The following TFDP2 variants were observed in gnomAD, a reference collection of about 807,000 sequenced individuals.
TFDP2 encodes the protein transcription factor Dp-2 (E2F dimerization partner 2).
TFDP2 carries 17 observed loss-of-function variants against 59.3 expected under a neutral mutation model. That is an observed-to-expected ratio of 0.29 (90% CI 0.20 to 0.43). The LOEUF (loss-of-function observed/expected upper bound fraction) is 0.43. Among genes scored for constraint, TFDP2 ranks in the 20% least tolerant of loss-of-function variants. The pLI is 1.00. For missense variants in TFDP2, 391 were observed against 528.8 expected (o/e 0.74, Z 2.56); for synonymous variants, 180 against 194.7 (o/e 0.92, Z 0.63).
At chr3:142,134,397 C>A (rs1447372192) in intron 1 of TFDP2, among the ~76,000 whole-genome samples, 1 of 151,516 alleles carries the variant, frequency 6.6e-6, no homozygotes, top group African/African-American at 2.4e-5. Flanking sequence ...TTTCCTATTT[C>A]AGACATGAAA....
At chr3:142,015,315 C>T (rs2108319500) in intron 3 of TFDP2, among the ~76,000 whole-genome samples, 1 of 152,290 alleles carries the variant, frequency 6.6e-6, no homozygotes, top group African/African-American at 2.4e-5. Flanking sequence ...ACTTTGGATT[C>T]ACATATCCAC....
intron 1 of TFDP2, among the ~76,000 whole-genome samples, chr3:142,143,952 CTA>C (rs1452063746): frequency 6.6e-6 from 1 of 152,122 alleles, no homozygotes; most frequent in Non-Finnish European, 1.5e-5. Flanking sequence ...ATCTGCATTC[CTA>C]TGTTTGTTGC....
intron 1 of TFDP2, among the ~76,000 whole-genome samples, chr3:142,103,525 T>C (rs2108651920): frequency 6.6e-6 from 1 of 152,188 alleles, no homozygotes. Flanking sequence ...TTATAAAAAA[T>C]ACACTAAAAT....
At chr3:142,043,731 G>A (rs1405915685) in intron 3 of TFDP2, 1 of 1,337,566 alleles carries the variant, frequency 7.5e-7, no homozygotes, top group African/African-American at 1.4e-5. Context: ...TAGACCTGGG[G>A]GCCTCAGCCT....
intron 3 of TFDP2, among the ~76,000 whole-genome samples, chr3:142,059,332 C>T (rs1240004815): frequency 6.6e-6 from 1 of 151,876 alleles, no homozygotes; most frequent in Admixed American, 6.6e-5. Context: ...ATAGTGAGGT[C>T]TAAAGATCTG....
chr3:142,098,633 C>T (rs1415055045), intron 2 of TFDP2, among the ~76,000 whole-genome samples: 1 of 152,104 alleles, frequency 6.6e-6, no homozygotes, highest in African/African-American at 2.4e-5. Flanking sequence ...GGGCCAGGTG[C>T]AGTGGCTCAC....
rs142325141 is a variant in TFDP2, at chr3:141,945,264, G to A, written c.*7249C>T. 7,255 of 152,356 alleles carry A rather than the reference G, an allele frequency of 0.048. 303 individuals carry two copies. The highest frequency in any genetic ancestry group is 0.12 in the African/African-American group (4,807 of 41,510). The allele number at this position is 152,356 out of a possible 1,614,324, so 9.4% of individuals were successfully genotyped here. A position where few individuals can be genotyped will look rare whatever the true frequency, so the allele number is the denominator to read the frequency against. ...CCTGCCTCAGCCTCCCGAGTAGCTG[G>A]GATTACAGGCATGCGCCACCACACC... On this transcript the variant is annotated 3_prime_UTR_variant, in exon 13 of 13. Transcript: ENST00000489671.
intron 1 of TFDP2, among the ~76,000 whole-genome samples, chr3:142,118,788 T>C (rs57411138): frequency 0.19 from 28,644 of 151,960 alleles, 3,014 homozygotes; most frequent in African/African-American, 0.26. Flanking sequence ...AAATGAATGA[T>C]AGGCAAAGGA....
At chr3:142,126,339 C>G (rs919042585) in intron 1 of TFDP2, 1 of 151,958 alleles carries the variant, frequency 6.6e-6, no homozygotes, top group African/African-American at 2.4e-5. Context: ...GATTTTATTA[C>G]AGAAACAACA....
At chr3:142,130,159 C>T (rs1426335888) in intron 1 of TFDP2, among the ~76,000 whole-genome samples, 1 of 152,074 alleles carries the variant, frequency 6.6e-6, no homozygotes, top group African/African-American at 2.4e-5. Context: ...ATATTCACAG[C>T]AGCATTATTC....
chr3:142,128,066 C>T (rs534732881), intron 1 of TFDP2, among the ~76,000 whole-genome samples: 1 of 152,094 alleles, frequency 6.6e-6, no homozygotes, highest in African/African-American at 2.4e-5. Flanking sequence ...CAGAGTGTAG[C>T]GGCACATGTC....
intron 6 of TFDP2, among the ~76,000 whole-genome samples, chr3:141,985,195 TTAAAA>T (rs1941950049): frequency 6.6e-6 from 1 of 152,042 alleles, no homozygotes; most frequent in African/African-American, 2.4e-5. Context: ...GTTTGAAAAA[TTAAAA>T]TAACTGTAAA....
intron 3 of TFDP2, chr3:142,044,110 C>T: frequency 3.2e-6 from 2 of 628,044 alleles, no homozygotes; most frequent in East Asian, 3.3e-5. Flanking sequence ...GGCAATTTCA[C>T]TGGTCTCATT....
intron 1 of TFDP2, among the ~76,000 whole-genome samples, chr3:142,118,349 A>G (rs569734046): frequency 6.6e-6 from 1 of 152,352 alleles, no homozygotes; most frequent in African/African-American, 2.4e-5. Context: ...GTCAGAAAAT[A>G]CAAACAAAAG....
chr3:142,001,668 A>T (rs1943782767), intron 4 of TFDP2, among the ~76,000 whole-genome samples: 1 of 152,152 alleles, frequency 6.6e-6, no homozygotes, highest in Non-Finnish European at 1.5e-5. Flanking sequence ...TCTGATGATA[A>T]ATTATATCTT....
chr3:142,107,983 C>A (rs1298508555), intron 1 of TFDP2, among the ~76,000 whole-genome samples: 1 of 151,954 alleles, frequency 6.6e-6, no homozygotes, highest in Admixed American at 6.6e-5. Flanking sequence ...CTTTTCAATT[C>A]CGTTTTTTGA....
intron 10 of TFDP2, among the ~76,000 whole-genome samples, chr3:141,962,380 A>G (rs1269502842): frequency 6.6e-6 from 1 of 150,822 alleles, no homozygotes; most frequent in African/African-American, 2.4e-5. Flanking sequence ...TTTTTTCGAG[A>G]CAGAGTCTTG....
At chr3:141,984,315 C>G (rs115151898) in intron 6 of TFDP2, among the ~76,000 whole-genome samples, 1 of 152,036 alleles carries the variant, frequency 6.6e-6, no homozygotes, top group African/African-American at 2.4e-5. Context: ...TCCTGGCCAA[C>G]GTGGTGAAAC....
intron 1 of TFDP2, among the ~76,000 whole-genome samples, chr3:142,146,273 C>G (rs2063171425): frequency 6.6e-6 from 1 of 151,914 alleles, no homozygotes; most frequent in South Asian, 2.1e-4. Flanking sequence ...ACTTTAAGAA[C>G]AGAGAGAGCA....
Sources: allele counts gnomAD v4.1 joint callset (sites outside exome capture counted in the v4.1 genomes callset), GRCh38; gene constraint gnomAD v4.1.1; transcripts MANE v1.5; gene names NCBI Gene and HGNC (gene_info 2026-07-23, HGNC 2026-07-21).